The following USP9X variants were observed in gnomAD, a reference collection of about 807,000 sequenced individuals.
USP9X encodes ubiquitin carboxyl-terminal hydrolase 9X.
USP9X carries 7 observed loss-of-function variants against 190.3 expected under a neutral mutation model. The ratio of observed to expected loss-of-function variants is 0.04; its 90% CI spans 0.02 to 0.07. The LOEUF (loss-of-function observed/expected upper bound fraction) is 0.07, where lower values mean the gene tolerates loss of function less well. Ranked by LOEUF, USP9X falls within the 10% of genes least tolerant of loss-of-function variation. The pLI is 1.00. For missense variants in USP9X, 1,010 were observed against 1,916.9 expected (o/e 0.53, Z 8.83); for synonymous variants, 645 against 659.5 (o/e 0.98, Z 0.34).
rs1450357833 is a variant in USP9X, at chrX:41,229,319, T to C, written c.7128T>C (p.Ser2376=). 8.3e-7 allele frequency: 1 copy of C among 1,198,484 alleles called. No homozygotes were observed. Among genetic ancestry groups the C allele is most frequent in the African/African-American group, 1.8e-5 (1 of 56,680 alleles). The change falls in exon 42 of 45, where the codon TCT becomes TCC. Residue 2376 remains serine (S), a synonymous_variant. Coordinates refer to ENST00000378308, the MANE Select transcript of USP9X (RefSeq NM_001039591.3). ...RDGLFDTIQR[S]KNHYQKRAYQ... The stretch of plus-strand genomic sequence containing the variant: ...GGCTGTTTGACACAATCCAGCGCTC[T>C]AAGAATCACTATCAAAAAAGAGCAT...
chrX:41,223,914 C>G (rs983854562), intron 39 of USP9X, among the ~76,000 whole-genome samples: 1 of 111,926 alleles, frequency 8.9e-6, no homozygotes, highest in African/African-American at 3.3e-5. Flanking sequence ...TAAGAATTAA[C>G]TTTTTAGGCT....
In USP9X at chrX:41,175,772, T is replaced by TACACACACACACAC. The variant is rs769385399; in HGVS notation, c.3148+3827_3148+3828insCACACACACACACA. On this transcript the variant is annotated intron_variant, in intron 21 of 44. Coordinates refer to ENST00000378308, the MANE Select transcript of USP9X (RefSeq NM_001039591.3). ...ACATTTAAGTCTATTACTATATATA[T>TACACACACACACAC]ACACACACACACATGAATATATATA... 2.8e-3 allele frequency among the ~76,000 whole-genome samples: 307 copies of TACACACACACACAC among 110,163 alleles called. 2 individuals carry two copies. Among genetic ancestry groups the TACACACACACACAC allele is most frequent in the Admixed American group, 0.012 (128 of 10,319 alleles).
intron 33 of USP9X, among the ~76,000 whole-genome samples, chrX:41,211,810 G>A (rs1289893023): frequency 1.9e-5 from 2 of 107,073 alleles, no homozygotes; most frequent in Non-Finnish European, 3.9e-5. Flanking sequence ...CCCTCTGCCC[G>A]GACAGCCGCC....
At chrX:41,110,264 A>G (rs1417252131) in intron 1 of USP9X, among the ~76,000 whole-genome samples, 1 of 112,326 alleles carries the variant, frequency 8.9e-6, no homozygotes, top group Non-Finnish European at 1.9e-5. Flanking sequence ...TATTCCATAT[A>G]TCTGAGGAAT....
In USP9X at chrX:41,132,550, C is replaced by G. The variant is rs186330755; in HGVS notation, c.322+1014C>G. 5.4e-5 allele frequency among the ~76,000 whole-genome samples: 6 copies of G among 110,667 alleles called. No individual in the cohort carries two copies. In the Admixed American group the frequency reaches 5.8e-4, roughly 11 times the overall value. ...AACTCCTGACCTCAGGTGATCCACCCGCCTTGGCCTCCCAAAGTGCTGGGA... is the reference window on the plus strand; with the variant it reads ...AACTCCTGACCTCAGGTGATCCACCGGCCTTGGCCTCCCAAAGTGCTGGGA... On this transcript the variant is annotated intron_variant, in intron 4 of 44. Transcript: ENST00000378308.
chrX:41,163,678 C>T (rs190346475), intron 15 of USP9X, among the ~76,000 whole-genome samples: 1,350 of 106,334 alleles, frequency 0.013, 26 homozygotes, highest in African/African-American at 0.044. Flanking sequence ...ACTTCAACCT[C>T]GGAGGCGGAG....
At chrX:41,224,054 A>G (rs1328431206) in intron 39 of USP9X, among the ~76,000 whole-genome samples, 1 of 109,361 alleles carries the variant, frequency 9.1e-6, no homozygotes, top group African/African-American at 3.3e-5. Flanking sequence ...TAACAACAAA[A>G]AAGTTGGCTG....
At chrX:41,203,540 G>A (rs1298281696) in intron 31 of USP9X, among the ~76,000 whole-genome samples, 3 of 111,240 alleles carry the variant, frequency 2.7e-5, no homozygotes, top group Non-Finnish European at 3.8e-5. Flanking sequence ...TTCATTTGTC[G>A]ATGGACATTT....
chrX:41,148,707 C>A, intron 12 of USP9X, 132 bp downstream of exon 12: 1 of 603,493 alleles, frequency 1.7e-6, no homozygotes, highest in Non-Finnish European at 2.5e-6. Context: ...TTTTTTTGTT[C>A]ATTAGTCTGC....
chrX:41,124,171 C>T (rs890877898), intron 2 of USP9X, among the ~76,000 whole-genome samples: 1 of 111,283 alleles, frequency 9.0e-6, no homozygotes, highest in African/African-American at 3.3e-5. Flanking sequence ...ACACGTTGGG[C>T]GCAGTGGCTC....
At position 41,189,430 on chromosome X, in the gene USP9X, C is replaced by T. The variant is rs1353287922; in HGVS notation, c.3932C>T (p.Ala1311Val). The T allele has an allele frequency of 1.2e-5, 15 of 1,210,552 alleles. No individual in the cohort carries two copies. Among genetic ancestry groups the T allele is most frequent in the Non-Finnish European group, 1.5e-5 (13 of 894,638 alleles). Residue 1311 changes from alanine to valine, a missense_variant, in exon 26 of 45, where the codon GCT becomes GTT. Physicochemically the swap from Ala to Val is moderately conservative, Grantham distance 64. Transcript: ENST00000378308. ...TALDALSKEK[A>V]WQTFIIDLLL... Reference sequence around the variant, plus strand: ...TTAGATGCTCTTAGTAAAGAAAAGGCTTGGCAGACATTCATCATTGACTTA... The same window carrying T: ...TTAGATGCTCTTAGTAAAGAAAAGGTTTGGCAGACATTCATCATTGACTTA...
intron 26 of USP9X, among the ~76,000 whole-genome samples, chrX:41,193,304 T>C (rs2062953751): frequency 9.0e-6 from 1 of 111,713 alleles, no homozygotes; most frequent in Non-Finnish European, 1.9e-5. Flanking sequence ...TGTAAGTTTA[T>C]TCTGGTTAAG....
chrX:41,120,528 C>A (rs1264330124), intron 1 of USP9X, among the ~76,000 whole-genome samples: 1 of 111,350 alleles, frequency 9.0e-6, no homozygotes, highest in Non-Finnish European at 1.9e-5. Flanking sequence ...GACAGAGTCT[C>A]GCTCTGTTGC....
chrX:41,157,938 A>G (rs2062593641), intron 14 of USP9X, among the ~76,000 whole-genome samples: 1 of 112,224 alleles, frequency 8.9e-6, no homozygotes, highest in African/African-American at 3.2e-5. Flanking sequence ...AAGAGAAATT[A>G]TTTTTTATTT....
intron 1 of USP9X, among the ~76,000 whole-genome samples, chrX:41,104,140 C>T (rs187988381): frequency 8.9e-6 from 1 of 111,892 alleles, no homozygotes; most frequent in African/African-American, 3.2e-5. Flanking sequence ...GATCATGGCT[C>T]ACTATAGCCT....
chrX:41,144,664 C>CA (rs757993449), intron 11 of USP9X, 38 bp downstream of exon 11: 1 of 1,002,603 alleles, frequency 1.0e-6, no homozygotes, highest in East Asian at 3.1e-5. Flanking sequence ...CATTCTATTT[C>CA]AAATAGAATT....
intron 1 of USP9X, among the ~76,000 whole-genome samples, chrX:41,090,116 A>G (rs1217641017): frequency 9.3e-6 from 1 of 107,186 alleles, no homozygotes; most frequent in Non-Finnish European, 1.9e-5. Context: ...CTTGTTGCCT[A>G]AGCTGGTCTT....
At chrX:41,169,655 C>A (rs2062707362) in intron 18 of USP9X, among the ~76,000 whole-genome samples, 2 of 110,157 alleles carry the variant, frequency 1.8e-5, no homozygotes, top group East Asian at 5.8e-4. Context: ...GGAGTTTTAC[C>A]ATGTTGGCCA....
At chrX:41,214,541 T>A in intron 33 of USP9X, 27 bp from the exon 34 acceptor site, 1 of 1,143,439 alleles carries the variant, frequency 8.7e-7, no homozygotes, top group Non-Finnish European at 1.2e-6. Flanking sequence ...AACTAAGGGA[T>A]AAATCCTTTT....
Sources: gnomAD v4.1 joint callset for allele counts (sites outside exome capture counted in the v4.1 genomes callset) on GRCh38, gnomAD v4.1.1 for gene constraint, MANE v1.5 for transcripts, NCBI Gene and HGNC (gene_info 2026-07-23, HGNC 2026-07-21) for gene names.